KALRN: variants seen among roughly 807,000 people sequenced by gnomAD.
KALRN encodes the protein kalirin.
Under a neutral mutation model 353.7 loss-of-function variants are expected in KALRN, and 70 were observed. That is an observed-to-expected ratio of 0.20 (90% CI 0.16 to 0.24). The LOEUF is 0.24. Among genes scored for constraint, KALRN ranks in the 10% least tolerant of loss-of-function variants. The pLI, the probability that KALRN is intolerant of heterozygous loss-of-function variation, is 1.00. For synonymous variants in KALRN, 1,391 were observed against 1,434.8 expected (o/e 0.97, Z 0.69); for missense variants, 2,791 against 3,756.7 (o/e 0.74, Z 6.72).
intron 1 of KALRN, among the ~76,000 whole-genome samples, chr3:124,118,620 C>T (rs1035420986): frequency 2.6e-5 from 4 of 152,188 alleles, no homozygotes; most frequent in Non-Finnish European, 5.9e-5. Flanking sequence ...AGTCATGGGA[C>T]ATGTTCCCTT....
At chr3:124,572,841 C>A (rs1356687046) in intron 34 of KALRN, among the ~76,000 whole-genome samples, 1 of 151,964 alleles carries the variant, frequency 6.6e-6, no homozygotes, top group African/African-American at 2.4e-5. Flanking sequence ...AGTTCCAGAC[C>A]AGCCTGGGCA....
At chr3:124,484,012 G>A (rs1180993875) in intron 28 of KALRN, among the ~76,000 whole-genome samples, 1 of 152,176 alleles carries the variant, frequency 6.6e-6, no homozygotes, top group African/African-American at 2.4e-5. Context: ...CCTGCTGGTT[G>A]CTCCTTTAAT....
chr3:124,241,240 A>G (rs188038454), intron 3 of KALRN, among the ~76,000 whole-genome samples: 1 of 152,304 alleles, frequency 6.6e-6, no homozygotes, highest in East Asian at 1.9e-4. Flanking sequence ...ATTTTCATAA[A>G]CAATATATGA....
intron 34 of KALRN, among the ~76,000 whole-genome samples, chr3:124,599,199 A>T (rs930784593): frequency 6.6e-6 from 1 of 152,178 alleles, no homozygotes; most frequent in African/African-American, 2.4e-5. Flanking sequence ...GCTAACTACT[A>T]TGGGAGAACG....
At chr3:124,227,801 A>G (rs750490812) in intron 1 of KALRN, among the ~76,000 whole-genome samples, 189 bp from the exon 2 acceptor site, 4 of 148,482 alleles carry the variant, frequency 2.7e-5, no homozygotes, top group Non-Finnish European at 5.9e-5. Flanking sequence ...GATCACCCCT[A>G]TGGCTGGCAT....
chr3:124,187,905 G>C (rs1361213678), intron 1 of KALRN, among the ~76,000 whole-genome samples: 2 of 152,178 alleles, frequency 1.3e-5, no homozygotes, highest in Non-Finnish European at 2.9e-5. Flanking sequence ...TCCTCAATAT[G>C]TGCATTTTCA....
intron 10 of KALRN, among the ~76,000 whole-genome samples, chr3:124,362,792 A>G (rs1010005637): frequency 4.6e-5 from 7 of 152,230 alleles, no homozygotes; most frequent in Non-Finnish European, 1.0e-4. Flanking sequence ...CTCCAAATCC[A>G]TATGATGGAC....
intron 34 of KALRN, among the ~76,000 whole-genome samples, chr3:124,580,704 A>C (rs2074542845): frequency 6.6e-6 from 1 of 152,170 alleles, no homozygotes; most frequent in African/African-American, 2.4e-5. Context: ...TTTGTTCACC[A>C]ATGTAGACCC....
intron 6 of KALRN, among the ~76,000 whole-genome samples, chr3:124,316,447 T>C (rs4426630): frequency 0.53 from 80,298 of 152,038 alleles, 21,800 homozygotes; most frequent in East Asian, 0.67. Flanking sequence ...TAGACTGAAC[T>C]CCACTTACTT....
In KALRN at chr3:124,085,313, C is replaced by T. The variant is rs148892422; in HGVS notation, c.73+51500C>T. Among the ~76,000 whole-genome samples, 1,137 of 152,304 alleles carry T rather than the reference C, an allele frequency of 7.5e-3. 9 individuals are homozygous for T. The highest frequency in any genetic ancestry group is 9.6e-3 in the Non-Finnish European group (655 of 68,032). Reference sequence around the variant, plus strand: ...GACAGTCACTGCCCCTTGGTTAGAGCTGGAACTTGAGATGAAACATAGTTT... The same window carrying T: ...GACAGTCACTGCCCCTTGGTTAGAGTTGGAACTTGAGATGAAACATAGTTT... On this transcript the variant is annotated intron_variant, in intron 1 of 59. Transcript: ENST00000682506.
intron 3 of KALRN, among the ~76,000 whole-genome samples, chr3:124,255,317 C>T (rs13320425): frequency 0.068 from 10,414 of 152,168 alleles, 396 homozygotes; most frequent in Middle Eastern, 0.095. Flanking sequence ...TGTGGGCTGT[C>T]CTAAGAAGTT....
chr3:124,662,680 G>A (rs1169798120), intron 45 of KALRN, among the ~76,000 whole-genome samples: 2 of 152,236 alleles, frequency 1.3e-5, no homozygotes, highest in Non-Finnish European at 2.9e-5. Flanking sequence ...GGAAATGGCT[G>A]TGTCCCAAAG....
intron 1 of KALRN, among the ~76,000 whole-genome samples, chr3:124,180,874 G>A (rs1579049136): frequency 6.6e-6 from 1 of 151,856 alleles, no homozygotes; most frequent in African/African-American, 2.4e-5. Flanking sequence ...CACTCTGTAT[G>A]TATCTGACCC....
chr3:124,608,864 G>T (rs1305477735), intron 34 of KALRN, among the ~76,000 whole-genome samples: 2 of 152,218 alleles, frequency 1.3e-5, no homozygotes, highest in Non-Finnish European at 2.9e-5. Flanking sequence ...CAAGTTAAGA[G>T]TTAAGCTGGA....
rs1184043641 is a variant in KALRN, at chr3:124,650,787, C to T, written c.5665-21C>T. ...ACTTTTCAAAGTACACTTCTCTAAGCCTGTTTTTCTCTCTTTTCAGAGTCT... is the reference window on the plus strand; with the variant it reads ...ACTTTTCAAAGTACACTTCTCTAAGTCTGTTTTTCTCTCTTTTCAGAGTCT... On this transcript the variant is annotated intron_variant, in intron 37 of 59. Coordinates refer to ENST00000682506, the MANE Select transcript of KALRN (RefSeq NM_001388419.1). 3.9e-6 allele frequency: 6 copies of T among 1,527,766 alleles called. No individual in the cohort carries two copies. The South Asian group carries it at 6.7e-5, about 17-fold the overall frequency. The allele number at this position is 1,527,766 out of a possible 1,614,324, so 94.6% of individuals were successfully genotyped here. A position where few individuals can be genotyped will look rare whatever the true frequency, so the allele number is the denominator to read the frequency against.
intron 1 of KALRN, among the ~76,000 whole-genome samples, chr3:124,039,434 G>T (rs558992079): frequency 6.6e-6 from 1 of 152,238 alleles, no homozygotes; most frequent in African/African-American, 2.4e-5. Flanking sequence ...TAAGAAAAAG[G>T]ATCTTTTTAA....
chr3:124,357,275 T>C (rs1391642182), intron 10 of KALRN, among the ~76,000 whole-genome samples: 1 of 152,200 alleles, frequency 6.6e-6, no homozygotes, highest in Admixed American at 6.5e-5. Context: ...TACTGCAATA[T>C]CCTTCTGTTT....
intron 6 of KALRN, among the ~76,000 whole-genome samples, chr3:124,315,705 C>G (rs1253701875): frequency 6.6e-6 from 1 of 151,972 alleles, no homozygotes; most frequent in Non-Finnish European, 1.5e-5. Context: ...ACTACTTGTT[C>G]TCCGTCAGGT....
At chr3:124,106,813 A>T (rs147226035) in intron 1 of KALRN, among the ~76,000 whole-genome samples, 109 of 151,578 alleles carry the variant, frequency 7.2e-4, no homozygotes, top group Admixed American at 1.1e-3. Context: ...CCCGATATAT[A>T]CCCCTTTACT....
Sources: gnomAD v4.1 joint callset for allele counts (sites outside exome capture counted in the v4.1 genomes callset) on GRCh38, gnomAD v4.1.1 for gene constraint, MANE v1.5 for transcripts, NCBI Gene and HGNC (gene_info 2026-07-23, HGNC 2026-07-21) for gene names.